The following ANK3 variants were observed in gnomAD, a reference collection of about 807,000 sequenced individuals.
ANK3 encodes ankyrin 3.
In ANK3, 57 loss-of-function variants were observed where a neutral mutation model predicts 370.9. The observed-to-expected ratio is 0.15, with a 90% CI of 0.12 to 0.19. The LOEUF is 0.19. Among genes scored for constraint, ANK3 ranks in the 10% least tolerant of loss-of-function variants. The pLI, the probability that ANK3 is intolerant of heterozygous loss-of-function variation, is 1.00. For synonymous variants in ANK3, 1,929 were observed against 1,946.3 expected (o/e 0.99, Z 0.23); for missense variants, 4,439 against 5,302.1 (o/e 0.84, Z 5.06).
chr10:60,195,086 G>C (rs1243779411), intron 16 of ANK3, among the ~76,000 whole-genome samples: 1 of 152,122 alleles, frequency 6.6e-6, no homozygotes, highest in Non-Finnish European at 1.5e-5. Context: ...GCAAATCAAA[G>C]ATGTAAAAAG....
In ANK3 at chr10:60,042,667, C is replaced by A; in HGVS notation, c.*19+5G>T. On this transcript the variant is annotated splice_donor_5th_base_variant and intron_variant, in intron 43 of 43. Coordinates refer to ENST00000280772, the MANE Select transcript of ANK3 (RefSeq NM_020987.5). ...CCTACTGTTGTTGATATGAACACAC[C>A]TCACCTTGACTGACCGTTCGCTGTT... 1 of 1,612,974 alleles carries A rather than the reference C, an allele frequency of 6.2e-7. No individual in the cohort carries two copies. The highest frequency in any genetic ancestry group is 8.5e-7 in the Non-Finnish European group (1 of 1,179,310).
At chr10:60,057,932 C>T (rs1033021983) in intron 41 of ANK3, among the ~76,000 whole-genome samples, 1 of 152,148 alleles carries the variant, frequency 6.6e-6, no homozygotes, top group African/African-American at 2.4e-5. Flanking sequence ...GTTTTGTAAA[C>T]TCCCTCTTTG....
intron 2 of ANK3, among the ~76,000 whole-genome samples, chr10:60,446,533 T>C (rs2064451463): frequency 6.6e-6 from 1 of 152,350 alleles, no homozygotes; most frequent in East Asian, 1.9e-4. Context: ...TTCTTTGGGT[T>C]CAAAGACATT....
At position 60,234,696 on chromosome 10, in the gene ANK3, T is replaced by C. The variant is rs1357121257; in HGVS notation, c.889A>G (p.Lys297Glu). 3 of 1,611,026 alleles carry C rather than the reference T, an allele frequency of 1.9e-6. No homozygotes were observed. The highest frequency in any genetic ancestry group is 2.5e-6 in the Non-Finnish European group (3 of 1,177,412). Residue 297 changes from lysine to glutamate, a missense_variant, in exon 8 of 44, where the codon AAA becomes GAA. Coordinates refer to ENST00000280772, the MANE Select transcript of ANK3 (RefSeq NM_020987.5). The stretch of plus-strand genomic sequence containing the variant: ...ATAAGTTGCACACTTACCCTGGTTT[T>C]GGCATCGATTTTAGCTCCTCGATCG... ...LLDRGAKIDA[K>E]TRDGLTPLHC...
chr10:60,174,871 C>T (rs571581974), intron 18 of ANK3, among the ~76,000 whole-genome samples: 1 of 152,206 alleles, frequency 6.6e-6, no homozygotes, highest in East Asian at 1.9e-4. Flanking sequence ...AGGCATGCAC[C>T]ACCACGCCTG....
intron 1 of ANK3, among the ~76,000 whole-genome samples, chr10:60,697,148 TCA>T (rs928074103): frequency 1.2e-4 from 18 of 152,018 alleles, no homozygotes; most frequent in African/African-American, 4.3e-4. Context: ...GAACTCCCAT[TCA>T]CAGTTGCTTC....
chr10:60,102,953 A>T (rs1014137258), intron 28 of ANK3, among the ~76,000 whole-genome samples: 1 of 151,842 alleles, frequency 6.6e-6, no homozygotes, highest in African/African-American at 2.4e-5. Context: ...ATGGTAAGAC[A>T]ATTTATTTTT....
intron 5 of ANK3, 73 bp from the exon 6 acceptor site, chr10:60,264,093 G>C: frequency 7.7e-7 from 1 of 1,301,374 alleles, no homozygotes; most frequent in Non-Finnish European, 1.1e-6. Flanking sequence ...CAAATAAGAA[G>C]GCAACCAAGT....
In ANK3 at chr10:60,084,631, C is replaced by T. The variant is rs2086219851; in HGVS notation, c.4045G>A (p.Glu1349Lys). The T allele has an allele frequency of 6.2e-7, 1 of 1,613,928 alleles. No individual in the cohort carries two copies. Among genetic ancestry groups the T allele is most frequent in the Non-Finnish European group, 8.5e-7 (1 of 1,179,966 alleles). ...DKTLEQQENF[E>K]EVARSKDIEV... The stretch of plus-strand genomic sequence containing the variant: ...ATATCTTTGCTTCTTGCGACTTCCT[C>T]AAAATTCTCTTGTTGCTCTAAAGTT... The change falls in exon 32 of 44, where the codon GAG (glutamate) becomes AAG (lysine). Residue 1349 changes from glutamate (E) to lysine (K), a missense_variant. This residue lies in a region of ANK3 where 702 missense variants were observed against 941.5 expected (regional missense o/e 0.75). Transcript: ENST00000280772.
intron 18 of ANK3, among the ~76,000 whole-genome samples, chr10:60,174,254 G>A (rs1010742916): frequency 1.3e-5 from 2 of 152,162 alleles, no homozygotes; most frequent in East Asian, 1.9e-4. Flanking sequence ...GTGACTCTTG[G>A]TAGACTTTGT....
At chr10:60,483,415 TA>T (rs2075273507) in intron 2 of ANK3, among the ~76,000 whole-genome samples, 1 of 152,308 alleles carries the variant, frequency 6.6e-6, no homozygotes, top group Non-Finnish European at 1.5e-5. Flanking sequence ...GAAACCAAGG[TA>T]TAAGTCTGTA....
chr10:60,534,712 T>C (rs752716060), intron 2 of ANK3, among the ~76,000 whole-genome samples: 1 of 152,110 alleles, frequency 6.6e-6, no homozygotes, highest in Admixed American at 6.6e-5. Flanking sequence ...TATTAGTATA[T>C]GTGAGAAAAC....
In ANK3 at chr10:60,332,119, A is replaced by C. The variant is rs746060014; in HGVS notation, c.115-52480T>G. 2.0e-3 allele frequency among the ~76,000 whole-genome samples: 305 copies of C among 152,302 alleles called. 3 individuals are homozygous for C. The highest frequency in any genetic ancestry group is 1.1e-3 in the Admixed American group (17 of 15,298). ...ACCTCAGCAAAAAAGGACATCAGCT[A>C]GTTACCATTCTCCTCATGATTAAAA... On this transcript the variant is annotated intron_variant, in intron 1 of 43. Transcript: ENST00000280772.
chr10:60,216,170 A>C (rs2096933723), intron 8 of ANK3, among the ~76,000 whole-genome samples: 1 of 152,084 alleles, frequency 6.6e-6, no homozygotes, highest in Admixed American at 6.6e-5. Flanking sequence ...TTTTGGGCTG[A>C]GATGGTGGAG....
intron 1 of ANK3, among the ~76,000 whole-genome samples, chr10:60,371,208 C>G (rs2060066166): frequency 6.6e-6 from 1 of 152,038 alleles, no homozygotes. Context: ...TAGATGTGCC[C>G]CTTCATAAGA....
At chr10:60,395,997 T>C (rs977791042) in intron 2 of ANK3, among the ~76,000 whole-genome samples, 1 of 152,164 alleles carries the variant, frequency 6.6e-6, no homozygotes, top group Non-Finnish European at 1.5e-5. Flanking sequence ...CTTGATATTC[T>C]AGTCAACATG....
At chr10:60,444,944 T>C (rs2064403582) in intron 2 of ANK3, among the ~76,000 whole-genome samples, 1 of 152,188 alleles carries the variant, frequency 6.6e-6, no homozygotes, top group African/African-American at 2.4e-5. Flanking sequence ...AAATGAACTC[T>C]TTCTGCTAAT....
chr10:60,492,706 CAAAAAAAAA>C (rs764367710), intron 2 of ANK3, among the ~76,000 whole-genome samples: 1 of 57,528 alleles, frequency 1.7e-5, no homozygotes, highest in Non-Finnish European at 3.2e-5. Flanking sequence ...GACTCTGTCT[CAAAAAAAAA>C]AAAAAAAAAG....
chr10:60,387,200 CA>C (rs1416328239), intron 1 of ANK3, among the ~76,000 whole-genome samples: 1 of 151,790 alleles, frequency 6.6e-6, no homozygotes, highest in Non-Finnish European at 1.5e-5. Flanking sequence ...TGCATATGAA[CA>C]AGAGCAACTA....
Sources: gnomAD v4.1 joint callset for allele counts (sites outside exome capture counted in the v4.1 genomes callset) on GRCh38, gnomAD v4.1.1 for gene constraint, gnomAD v4.1.1 regional missense constraint, MANE v1.5 for transcripts, NCBI Gene and HGNC (gene_info 2026-07-23, HGNC 2026-07-21) for gene names.